The following ROGDI variants were observed in gnomAD, a reference collection of about 807,000 sequenced individuals.
The protein encoded by ROGDI is rogdi atypical leucine zipper.
Under a neutral mutation model 43.1 loss-of-function variants are expected in ROGDI, and 46 were observed. That is an observed-to-expected ratio of 1.07 (90% confidence interval 0.84 to 1.37). The LOEUF is 1.37. Ranked by LOEUF, ROGDI falls within the 40% of genes most tolerant of loss-of-function variation. The pLI is 0.00. For missense variants in ROGDI, 518 were observed against 383.9 expected (o/e 1.35, Z -2.92); for synonymous variants, 243 against 162.0 (o/e 1.50, Z -3.80).
At position 4,802,369 on chromosome 16, in the gene ROGDI, C is replaced by T; in HGVS notation, c.117+13G>A. 2 of 1,563,424 alleles carry T rather than the reference C, an allele frequency of 1.3e-6. No individual in the cohort carries two copies. Among genetic ancestry groups the T allele is most frequent in the Non-Finnish European group, 1.7e-6 (2 of 1,158,882 alleles). Reference sequence around the variant, plus strand: ...GGCCGCCACGCCCGGCGGGGCAGGGCGCGGGTCGTTACCTTGAGGATGTCC... The same window carrying T: ...GGCCGCCACGCCCGGCGGGGCAGGGTGCGGGTCGTTACCTTGAGGATGTCC... On this transcript the variant is annotated intron_variant, in intron 2 of 10. Transcript: ENST00000322048.
At chr16:4,801,364 C>G (rs767072716) in intron 3 of ROGDI, 43 bp from the exon 4 acceptor site, 2 of 1,585,630 alleles carry the variant, frequency 1.3e-6, no homozygotes, top group South Asian at 1.1e-5. Flanking sequence ...GTCACCCCCC[C>G]ACCACCCAGC....
At chr16:4,802,232 G>A (rs1296024275) in intron 2 of ROGDI, 150 bp downstream of exon 2, 3 of 733,494 alleles carry the variant, frequency 4.1e-6, no homozygotes, top group South Asian at 1.5e-5. Flanking sequence ...AATGAGGTCG[G>A]CTCGAGTTCG....
At chr16:4,801,171 CCGCCCAGAGT>C in intron 4 of ROGDI, 86 bp downstream of exon 4, 1 of 1,013,362 alleles carries the variant, frequency 9.9e-7, no homozygotes. Flanking sequence ...ATCAAGGGTC[CCGCCCAGAGT>C]CGCAGGGCTT....
At position 4,797,333 on chromosome 16, in the gene ROGDI, T is replaced by G; in HGVS notation, c.*127A>C. On this transcript the variant is annotated 3_prime_UTR_variant, in exon 11 of 11. Transcript: ENST00000322048. ...TCCATTCCCGGCAGTGCAAATGTGT[T>G]AGGTGGGGTAGGGGGTGGGATAGGG... The G allele has an allele frequency of 1.3e-6, 1 of 776,916 alleles. No individual in the cohort carries two copies. The highest frequency in any genetic ancestry group is 2.1e-6 in the Non-Finnish European group (1 of 481,798). The allele number at this position is 776,916 out of a possible 1,614,324, so 48.1% of individuals were successfully genotyped here.
At chr16:4,801,947 G>C (rs1185084045) in intron 2 of ROGDI, 1 of 575,122 alleles carries the variant, frequency 1.7e-6, no homozygotes, top group South Asian at 1.6e-5. Flanking sequence ...CACTACGCCG[G>C]TTACTTCTGT....
In ROGDI at chr16:4,800,495, C is replaced by T. The variant is rs765836538; in HGVS notation, c.336+3G>A. On this transcript the variant is annotated splice_donor_region_variant and intron_variant, in intron 5 of 10. Coordinates refer to ENST00000322048, the MANE Select transcript of ROGDI (RefSeq NM_024589.3). ...GAGCACTAGCCAGGAGGGGCGGGGT[C>T]ACCTGCTGCAGCTTCCACTGCTTGT... is the stretch of plus-strand genomic sequence containing the variant. 30 of 1,553,312 alleles carry T rather than the reference C, an allele frequency of 1.9e-5. No homozygotes were observed. The South Asian group carries it at 3.2e-4, about 17-fold the overall frequency.
intron 7 of ROGDI, 21 bp downstream of exon 7, chr16:4,798,548 G>A: frequency 2.0e-6 from 3 of 1,520,848 alleles, no homozygotes; most frequent in East Asian, 2.3e-5. Context: ...TCCTGCAGCA[G>A]GGGCTGGCAG....
chr16:4,801,409 C>A (rs981647593), intron 3 of ROGDI, 88 bp from the exon 4 acceptor site: 1 of 1,557,448 alleles, frequency 6.4e-7, no homozygotes, highest in Non-Finnish European at 8.8e-7. Context: ...CCTGTCCCAT[C>A]GCACAACCAG....
intron 2 of ROGDI, chr16:4,801,835 C>T (rs1230824607): frequency 5.1e-6 from 3 of 591,784 alleles, no homozygotes; most frequent in Non-Finnish European, 9.1e-6. Context: ...ACAAAACAGA[C>T]AGGGGCAGCC....
intron 2 of ROGDI, chr16:4,802,012 C>T (rs1027995084): frequency 1.7e-6 from 1 of 579,628 alleles, no homozygotes. Flanking sequence ...GTACTGTTAT[C>T]TCCCTTTTGC....
At chr16:4,798,247 C>T in intron 7 of ROGDI, 63 bp from the exon 8 acceptor site, 1 of 1,361,614 alleles carries the variant, frequency 7.3e-7, no homozygotes, top group Non-Finnish European at 1.0e-6. Flanking sequence ...TGGAGCGGGG[C>T]TCTGCAGTCA....
chr16:4,801,408 T>C, intron 3 of ROGDI, 87 bp from the exon 4 acceptor site: 1 of 1,553,188 alleles, frequency 6.4e-7, no homozygotes. Flanking sequence ...TCCTGTCCCA[T>C]CGCACAACCA....
chr16:4,801,448 G>A (rs375745039), intron 3 of ROGDI, 55 bp downstream of exon 3: 2 of 1,570,960 alleles, frequency 1.3e-6, no homozygotes, highest in South Asian at 2.3e-5. Context: ...CTATGGCCAT[G>A]CCTCCTACCC....
chr16:4,802,536 C>G lies in ROGDI; in HGVS notation c.36G>C (p.Arg12=), dbSNP rs1034942616. 7.9e-7 allele frequency: 1 copy of G among 1,270,764 alleles called. No homozygotes were observed. Among genetic ancestry groups the G allele is most frequent in the South Asian group, 2.4e-5 (1 of 42,184 alleles). The allele number at this position is 1,270,764 out of a possible 1,614,324, so 78.7% of individuals were successfully genotyped here. ...ATVMAATAAE[R]AVLEEEFRWL... The stretch of plus-strand genomic sequence containing the variant: ...GGCCCGCGCGCCTTACCAGCACCGC[C>G]CGCTCCGCCGCCGTCGCTGCCATCA... Residue 12 remains arginine (R), a synonymous_variant, in exon 1 of 11, where the codon CGG becomes CGC. Coordinates refer to ENST00000322048, the MANE Select transcript of ROGDI (RefSeq NM_024589.3).
intron 8 of ROGDI, 26 bp downstream of exon 8, chr16:4,798,045 T>C: frequency 2.5e-6 from 4 of 1,613,426 alleles, no homozygotes; most frequent in Non-Finnish European, 3.4e-6. Flanking sequence ...TGGCGGGCAG[T>C]GGGCCGGGCA....
At chr16:4,802,156 C>G (rs1455955181) in intron 2 of ROGDI, 4 of 654,006 alleles carry the variant, frequency 6.1e-6, no homozygotes, top group Non-Finnish European at 1.1e-5. Flanking sequence ...CGAGGCCGGG[C>G]GGGACTCAGG....
Position 4,797,343 on chromosome 16 carries a change from AG to A in ROGDI, c.*116del. ...GCAGTGCAAATGTGTTAGGTGGGGT[AG>A]GGGGTGGGATAGGGAGATAAATAGC... On this transcript the variant is annotated 3_prime_UTR_variant, in exon 11 of 11. Coordinates refer to ENST00000322048, the MANE Select transcript of ROGDI (RefSeq NM_024589.3). The A allele has an allele frequency of 1.2e-6, 1 of 822,066 alleles. No individual in the cohort carries two copies. The allele number at this position is 822,066 out of a possible 1,614,324, so 50.9% of individuals were successfully genotyped here.
chr16:4,799,908 CAGGTCCACGCCA>C (rs1346261463), intron 5 of ROGDI, 127 bp from the exon 6 acceptor site: 2 of 681,316 alleles, frequency 2.9e-6, no homozygotes, highest in African/African-American at 3.6e-5. Flanking sequence ...CCCAGAGGGC[CAGGTCCACGCCA>C]GGTGATGGGC....
chr16:4,800,281 C>T (rs1361459796), intron 5 of ROGDI, among the ~76,000 whole-genome samples: 4 of 152,160 alleles, frequency 2.6e-5, no homozygotes, highest in African/African-American at 7.2e-5. Context: ...CCGATGTGGC[C>T]CTCGGGGCTC....
Sources: gnomAD v4.1 joint callset for allele counts (sites outside exome capture counted in the v4.1 genomes callset) on GRCh38, gnomAD v4.1.1 for gene constraint, MANE v1.5 for transcripts, NCBI Gene and HGNC (gene_info 2026-07-23, HGNC 2026-07-21) for gene names.